KCNT2: variants seen among roughly 807,000 people sequenced by gnomAD.
The protein encoded by KCNT2 is potassium sodium-activated channel subfamily T member 2.
Under a neutral mutation model 153.8 loss-of-function variants are expected in KCNT2, and 67 were observed. That is an observed-to-expected ratio of 0.44 (90% CI 0.36 to 0.53). The LOEUF (loss-of-function observed/expected upper bound fraction) is 0.53. Among genes scored for constraint, KCNT2 ranks in the 20% least tolerant of loss-of-function variants. KCNT2 has a pLI of 0.00. For missense variants in KCNT2, 975 were observed against 1,354.8 expected, an observed-to-expected ratio of 0.72 and a Z score of 4.40; for synonymous variants, 500 against 458.8, an observed-to-expected ratio of 1.09 and a Z score of -1.15.
intron 22 of KCNT2, among the ~76,000 whole-genome samples, chr1:196,295,211 A>G (rs1660568907): frequency 6.6e-6 from 1 of 151,786 alleles, no homozygotes; most frequent in Admixed American, 6.6e-5. Flanking sequence ...AATTAAAAAT[A>G]AAAATATAGA....
At chr1:196,595,817 T>C (rs10754195) in intron 1 of KCNT2, among the ~76,000 whole-genome samples, 1 of 151,450 alleles carries the variant, frequency 6.6e-6, no homozygotes, top group African/African-American at 2.4e-5. Flanking sequence ...ACACAATATA[T>C]AGTCTTTTAA....
intron 3 of KCNT2, among the ~76,000 whole-genome samples, chr1:196,485,308 C>T (rs766959718): frequency 4.6e-5 from 7 of 151,408 alleles, no homozygotes; most frequent in African/African-American, 9.7e-5. Context: ...GATTGGGGGG[C>T]GAGGGGAAGG....
chr1:196,452,476 G>A (rs1453352215), intron 8 of KCNT2, among the ~76,000 whole-genome samples: 1 of 151,896 alleles, frequency 6.6e-6, no homozygotes, highest in Non-Finnish European at 1.5e-5. Context: ...CTCCATTCAT[G>A]TAGATGACTC....
intron 8 of KCNT2, among the ~76,000 whole-genome samples, chr1:196,457,647 T>A (rs974000219): frequency 6.6e-6 from 1 of 151,894 alleles, no homozygotes; most frequent in Non-Finnish European, 1.5e-5. Flanking sequence ...ACAACCTAGA[T>A]AGCACGCACT....
At chr1:196,444,472 C>G (rs1675516553) in intron 8 of KCNT2, among the ~76,000 whole-genome samples, 1 of 150,990 alleles carries the variant, frequency 6.6e-6, no homozygotes, top group African/African-American at 2.4e-5. Flanking sequence ...CATCAGTTTA[C>G]CTTAAAAAAA....
At chr1:196,247,300 C>A (rs1415374009) in intron 26 of KCNT2, among the ~76,000 whole-genome samples, 1 of 152,056 alleles carries the variant, frequency 6.6e-6, no homozygotes, top group East Asian at 1.9e-4. Flanking sequence ...ATTATAAGAA[C>A]TAAGGAGAGA....
intron 21 of KCNT2, among the ~76,000 whole-genome samples, chr1:196,310,121 A>G (rs1662021206): frequency 6.6e-6 from 1 of 151,888 alleles, no homozygotes; most frequent in Non-Finnish European, 1.5e-5. Context: ...TAAAGCAAAA[A>G]ACACAAATAT....
At chr1:196,328,157 T>C (rs1253406960) in intron 18 of KCNT2, among the ~76,000 whole-genome samples, 2 of 152,150 alleles carry the variant, frequency 1.3e-5, no homozygotes, top group Admixed American at 6.6e-5. Flanking sequence ...CAAGAGGCTA[T>C]GTAAAATAAC....
rs530921454 is a variant in KCNT2, at chr1:196,358,659, C to G, written c.1403+14481G>C. Among the ~76,000 whole-genome samples, 45 of 152,010 alleles carry G rather than the reference C, an allele frequency of 3.0e-4. 1 individual carries two copies. The highest frequency in any genetic ancestry group is 1.9e-4 in the Non-Finnish European group (13 of 67,916). On this transcript the variant is annotated intron_variant, in intron 14 of 27. Transcript: ENST00000294725. ...TTGTTTTGAAAATATATATTTGACTCTCTTTTTAAATATTATAGTTTTGAT... is the reference window on the plus strand; with the variant it reads ...TTGTTTTGAAAATATATATTTGACTGTCTTTTTAAATATTATAGTTTTGAT...
intron 14 of KCNT2, among the ~76,000 whole-genome samples, chr1:196,344,425 C>A (rs1195977545): frequency 6.6e-6 from 1 of 152,120 alleles, no homozygotes; most frequent in East Asian, 1.9e-4. Context: ...TTGCATATGA[C>A]TACATCTAGC....
At chr1:196,415,091 G>C (rs1227513449) in intron 12 of KCNT2, among the ~76,000 whole-genome samples, 1 of 151,844 alleles carries the variant, frequency 6.6e-6, no homozygotes, top group Non-Finnish European at 1.5e-5. Flanking sequence ...ACTTACTTGG[G>C]GAGAGGCAAC....
At chr1:196,421,040 G>C (rs903621488) in intron 12 of KCNT2, among the ~76,000 whole-genome samples, 3 of 151,956 alleles carry the variant, frequency 2.0e-5, no homozygotes, top group African/African-American at 7.2e-5. Context: ...AGACTGTTGA[G>C]GTTCGGTTGC....
chr1:196,566,486 G>A (rs1249326204), intron 1 of KCNT2, among the ~76,000 whole-genome samples: 2 of 152,110 alleles, frequency 1.3e-5, no homozygotes. Context: ...CATGGCAATT[G>A]TGTGCAAGAT....
At chr1:196,381,148 G>A (rs570726164) in intron 13 of KCNT2, among the ~76,000 whole-genome samples, 1 of 151,992 alleles carries the variant, frequency 6.6e-6, no homozygotes, top group Non-Finnish European at 1.5e-5. Flanking sequence ...TTTTCCAGTT[G>A]CTTCAATACT....
chr1:196,291,919 G>A (rs1660220835), intron 22 of KCNT2, among the ~76,000 whole-genome samples: 1 of 152,028 alleles, frequency 6.6e-6, no homozygotes, highest in Non-Finnish European at 1.5e-5. Flanking sequence ...AATTAGTCTA[G>A]GGATCTACTA....
chr1:196,482,398 TAA>T lies in KCNT2; in HGVS notation c.276-21_276-20del, dbSNP rs113884452. ...ATGAGACCTATAAAAAGAATAATAA[TAA>T]GTTAGTTTTTTAAAATATGAAAAAT... On this transcript the variant is annotated intron_variant, in intron 3 of 27. Coordinates refer to ENST00000294725, the MANE Select transcript of KCNT2 (RefSeq NM_198503.5). 13,603 of 1,385,874 alleles carry T rather than the reference TAA, an allele frequency of 9.8e-3. 1,039 individuals are homozygous for T. In the African/African-American group the frequency reaches 0.17, roughly 18 times the overall value. The allele number at this position is 1,385,874 out of a possible 1,614,324, so 85.8% of individuals were successfully genotyped here. A position where few individuals can be genotyped will look rare whatever the true frequency, so the allele number is the denominator to read the frequency against.
chr1:196,266,740 G>C (rs1364396541), intron 25 of KCNT2, among the ~76,000 whole-genome samples: 1 of 152,064 alleles, frequency 6.6e-6, no homozygotes, highest in Non-Finnish European at 1.5e-5. Flanking sequence ...AAAATAAATG[G>C]AGGCTGGTAG....
chr1:196,429,521 G>T lies in KCNT2; in HGVS notation c.819+56C>A, dbSNP rs1233131059. 3.5e-6 allele frequency: 4 copies of T among 1,137,582 alleles called. No individual in the cohort carries two copies. In the East Asian group the frequency reaches 7.5e-5, roughly 21 times the overall value. The allele number at this position is 1,137,582 out of a possible 1,614,324, so 70.5% of individuals were successfully genotyped here. ...CTTTCCATTTCTTATTAAATGTGGAGGATTCAATTTCATGTCTCTGTACAT... is the reference window on the plus strand; with the variant it reads ...CTTTCCATTTCTTATTAAATGTGGATGATTCAATTTCATGTCTCTGTACAT... On this transcript the variant is annotated intron_variant, in intron 9 of 27. Transcript: ENST00000294725.
At chr1:196,336,112 A>C (rs980858086) in intron 16 of KCNT2, among the ~76,000 whole-genome samples, 1 of 152,100 alleles carries the variant, frequency 6.6e-6, no homozygotes, top group Non-Finnish European at 1.5e-5. Flanking sequence ...TAGCTCTTGC[A>C]TCATTAATAG....
Sources: gnomAD v4.1 joint callset for allele counts (sites outside exome capture counted in the v4.1 genomes callset) on GRCh38, gnomAD v4.1.1 for gene constraint, MANE v1.5 for transcripts, NCBI Gene and HGNC (gene_info 2026-07-23, HGNC 2026-07-21) for gene names.